Variants in SALL4 observed in about 807,000 individuals in gnomAD.
SALL4 encodes the protein spalt like transcription factor 4.
In SALL4, 4 loss-of-function variants were observed where a neutral mutation model predicts 60.8. That is an observed-to-expected ratio of 0.07 (90% confidence interval 0.03 to 0.15). SALL4 has a LOEUF of 0.15. SALL4 is among the 10% of genes least tolerant of loss of function. The pLI, the probability that SALL4 is intolerant of heterozygous loss-of-function variation, is 1.00. For synonymous variants in SALL4, 580 were observed against 574.9 expected, an observed-to-expected ratio of 1.01 and a Z score of -0.13; for missense variants, 1,178 against 1,394.7, an observed-to-expected ratio of 0.84 and a Z score of 2.48.
intron 3 of SALL4, among the ~76,000 whole-genome samples, chr20:51,785,334 G>C (rs2077984370): frequency 1.3e-5 from 2 of 152,106 alleles, no homozygotes; most frequent in African/African-American, 4.8e-5. Context: ...TTAGCTCATA[G>C]CTCATGTGAT....
chr20:51,790,382 C>T lies in SALL4; in HGVS notation c.2101G>A (p.Ala701Thr). The change falls in exon 2 of 4, where the codon GCT becomes ACT. Residue 701 changes from alanine (A) to threonine (T), a missense_variant. Coordinates refer to ENST00000217086, the MANE Select transcript of SALL4 (RefSeq NM_020436.5). The surrounding 1 kb of genome is among the most constrained non-coding windows in gnomAD (Gnocchi z 5.5). ...GGGACCTTGGAGGAGCTGCTGGGAG[C>T]CTCCTGGGAGCTGACTTCCTCTACA... ...IDVEEVSSQE[A>T]PSSSSKVPTP... 1 of 1,614,056 alleles carries T rather than the reference C, an allele frequency of 6.2e-7. No individual in the cohort carries two copies. Among genetic ancestry groups the T allele is most frequent in the Non-Finnish European group, 8.5e-7 (1 of 1,180,022 alleles).
In SALL4 at chr20:51,801,929, G is replaced by A. The variant is rs1418284097; in HGVS notation, c.130+350C>T. Among the ~76,000 whole-genome samples the A allele has an allele frequency of 7.2e-6, 1 of 139,492 alleles. No individual in the cohort carries two copies. Among genetic ancestry groups the A allele is most frequent in the Non-Finnish European group, 1.6e-5 (1 of 62,352 alleles). The allele number at this position is 139,492 out of a possible 152,430, so 91.5% of individuals were successfully genotyped here. On this transcript the variant is annotated intron_variant, in intron 1 of 3. Transcript: ENST00000217086. The surrounding 1 kb of genome is among the most constrained non-coding windows in gnomAD (Gnocchi z 5.2). The stretch of plus-strand genomic sequence containing the variant: ...GGGACCTAAGTTACAAGGGGGGGGG[G>A]TAACACCAGTGAGGGGAGTGGAACC...
At chr20:51,798,839 A>G (rs2078093946) in intron 1 of SALL4, among the ~76,000 whole-genome samples, 1 of 150,322 alleles carries the variant, frequency 6.7e-6, no homozygotes, top group East Asian at 2.0e-4. Flanking sequence ...TTTTTAAAAA[A>G]CCAATAAAAA....
Position 51,782,756 on chromosome 20 carries a change from C to T in SALL4, c.*1509G>A, listed in dbSNP as rs969879655. Reference sequence around the variant, plus strand: ...GCAATGTTTCGTTTGCTCAATATCACATTTACAAAGGAAACTACAAAAAAA... The same window carrying T: ...GCAATGTTTCGTTTGCTCAATATCATATTTACAAAGGAAACTACAAAAAAA... On this transcript the variant is annotated 3_prime_UTR_variant, in exon 4 of 4. Transcript: ENST00000217086. 1.1e-4 allele frequency: 16 copies of T among 151,762 alleles called. No individual in the cohort carries two copies. The highest frequency in any genetic ancestry group is 3.6e-4 in the African/African-American group (15 of 41,400). 9.4% of individuals were successfully genotyped at this position (151,762 alleles called of 1,614,324 possible). A position where few individuals can be genotyped will look rare whatever the true frequency, so the allele number is the denominator to read the frequency against.
intron 1 of SALL4, among the ~76,000 whole-genome samples, chr20:51,802,051 T>C (rs1225206079): frequency 1.4e-5 from 2 of 138,716 alleles, no homozygotes; most frequent in African/African-American, 5.5e-5. Flanking sequence ...GGGAGAAAGC[T>C]GGGGGTGAAA....
intron 3 of SALL4, among the ~76,000 whole-genome samples, chr20:51,786,188 A>G (rs2077991453): frequency 7.0e-6 from 1 of 142,262 alleles, no homozygotes; most frequent in East Asian, 2.1e-4. Context: ...CCGGGTTCAC[A>G]CCATTCTCCT....
Position 51,788,945 on chromosome 20 carries a change from C to A in SALL4, c.2658G>T (p.Gln886His). ...GKNFSSASAL[Q>H]IHERTHTGEK... Reference sequence around the variant, plus strand: ...CTCCAGTGTGAGTCCGCTCGTGGATCTGAAGAGCGCTAGCAGACGAGAAGT... The same window carrying A: ...CTCCAGTGTGAGTCCGCTCGTGGATATGAAGAGCGCTAGCAGACGAGAAGT... Residue 886 changes from glutamine to histidine, a missense_variant, in exon 3 of 4, where the codon CAG becomes CAT. Around this residue, in one of 5 missense-constraint regions of SALL4, gnomAD observed 37 missense variants for 73.5 expected, o/e 0.50. Transcript: ENST00000217086. This position sits in a 1 kb window ranked among gnomAD's most constrained non-coding sequence, Gnocchi z 4.1. 1 of 1,614,220 alleles carries A rather than the reference C, an allele frequency of 6.2e-7. No individual in the cohort carries two copies. The highest frequency in any genetic ancestry group is 8.5e-7 in the Non-Finnish European group (1 of 1,180,038).
chr20:51,790,324 G>A lies in SALL4; in HGVS notation c.2159C>T (p.Pro720Leu). Residue 720 changes from proline to leucine, a missense_variant, in exon 2 of 4, where the codon CCC becomes CTC. By Grantham distance (98) the Pro-to-Leu change is moderately conservative. This residue lies in a region of SALL4 where 853 missense variants were observed against 1,036.8 expected (regional missense o/e 0.82). Transcript: ENST00000217086. The surrounding 1 kb of genome is among the most constrained non-coding windows in gnomAD (Gnocchi z 5.5). ...AGCCATCATGGCAAACCCTAGCGTG[G>A]GTGATGCCGAGTGGATGCTGGGAAG... is the stretch of plus-strand genomic sequence containing the variant. ...TPLPSIHSAS[P>L]TLGFAMMASL... 6.2e-7 allele frequency: 1 copy of A among 1,614,162 alleles called. No individual in the cohort carries two copies. The highest frequency in any genetic ancestry group is 1.1e-5 in the South Asian group (1 of 91,088).
chr20:51,789,900 C>G, intron 2 of SALL4, 122 bp downstream of exon 2: 1 of 1,180,774 alleles, frequency 8.5e-7, no homozygotes. Context: ...TAAAGAAAAG[C>G]TAATTGCCCT....
chr20:51,785,818 AT>A (rs2077988198), intron 3 of SALL4, among the ~76,000 whole-genome samples: 1 of 148,180 alleles, frequency 6.7e-6, no homozygotes, highest in Non-Finnish European at 1.5e-5. Flanking sequence ...TAATTTTTGT[AT>A]TTTTAGTAGA....
In SALL4 at chr20:51,784,053, A is replaced by ATT. The variant is rs59841639; in HGVS notation, c.*210_*211dup. On this transcript the variant is annotated 3_prime_UTR_variant, in exon 4 of 4. Transcript: ENST00000217086. ...AGAGTCTGTATTTGTTTTGGTATGC[A>ATT]TTTTTTTTTTATTTTTTCAACTTTT... 48 of 546,084 alleles carry ATT rather than the reference A, an allele frequency of 8.8e-5. No individual in the cohort carries two copies. Among genetic ancestry groups the ATT allele is most frequent in the East Asian group, 2.2e-4 (7 of 31,404 alleles). The allele number at this position is 546,084 out of a possible 1,614,324, so 33.8% of individuals were successfully genotyped here. A position where few individuals can be genotyped will look rare whatever the true frequency, so the allele number is the denominator to read the frequency against.
chr20:51,794,623 G>A (rs963560147), intron 1 of SALL4, among the ~76,000 whole-genome samples: 19 of 152,240 alleles, frequency 1.2e-4, no homozygotes, highest in Admixed American at 1.0e-3. Flanking sequence ...AATGTCACTC[G>A]TGCAACATAA....
At chr20:51,789,276 C>T (rs570754382) in intron 2 of SALL4, 135 bp from the exon 3 acceptor site, 2 of 908,392 alleles carry the variant, frequency 2.2e-6, no homozygotes, top group South Asian at 3.6e-5. Context: ...GTAATTAACA[C>T]CTTCCCCTTT....
Position 51,784,459 on chromosome 20 carries a change from T to C in SALL4, c.2968A>G (p.Ile990Val). Residue 990 changes from isoleucine (I) to valine (V), a missense_variant, in exon 4 of 4, where the codon ATC becomes GTC. Coordinates refer to ENST00000217086, the MANE Select transcript of SALL4 (RefSeq NM_020436.5). ...AGGGTAGGAACCCCCCCACTCTGGA[T>C]CACAGAGATCTCATTGGTCTTCACG... ...LAVKTNEISV[I>V]QSGGVPTLPV... 6.2e-7 allele frequency: 1 copy of C among 1,614,162 alleles called. No individual in the cohort carries two copies. Among genetic ancestry groups the C allele is most frequent in the Non-Finnish European group, 8.5e-7 (1 of 1,180,020 alleles).
At chr20:51,798,416 C>T (rs534777981) in intron 1 of SALL4, among the ~76,000 whole-genome samples, 16 of 150,768 alleles carry the variant, frequency 1.1e-4, no homozygotes, top group African/African-American at 3.9e-4. Flanking sequence ...GTCTCCAGAG[C>T]CCCCCTGAAC....
intron 3 of SALL4, 89 bp from the exon 4 acceptor site, chr20:51,784,773 T>A (rs2077980652): frequency 4.2e-6 from 6 of 1,444,762 alleles, no homozygotes; most frequent in Non-Finnish European, 5.8e-6. Context: ...TGGATTTCAT[T>A]CTACCCAGTG....
chr20:51,796,762 C>T (rs1326290075), intron 1 of SALL4, among the ~76,000 whole-genome samples: 3 of 152,058 alleles, frequency 2.0e-5, no homozygotes, highest in Non-Finnish European at 2.9e-5. Context: ...TCTTCTAGAG[C>T]GGAGTTTCTC....
chr20:51,802,147 G>C, intron 1 of SALL4, 132 bp downstream of exon 1: 1 of 1,083,882 alleles, frequency 9.2e-7, no homozygotes, highest in Non-Finnish European at 1.3e-6. Context: ...CTCCTCCCGG[G>C]CACTGAGCCC....
rs374472951 is a variant in SALL4 at position 51,795,505 on chromosome 20, T to C, written c.131-3153A>G. On this transcript the variant is annotated intron_variant, in intron 1 of 3. Coordinates refer to ENST00000217086, the MANE Select transcript of SALL4 (RefSeq NM_020436.5). The stretch of plus-strand genomic sequence containing the variant: ...CGCCAACTCTCAGATAAATAGTATC[T>C]ATCTGTATGATTTTCCAAGACTGGA... Among the ~76,000 whole-genome samples the C allele has an allele frequency of 2.9e-4, 44 of 152,250 alleles. 1 individual carries two copies. Among genetic ancestry groups the C allele is most frequent in the East Asian group, 1.3e-3 (7 of 5,204 alleles).
Sources: allele counts gnomAD v4.1 joint callset (sites outside exome capture counted in the v4.1 genomes callset), GRCh38; gene constraint gnomAD v4.1.1; regional missense constraint gnomAD v4.1.1; non-coding constraint Gnocchi (gnomAD v3.1); transcripts MANE v1.5; gene names NCBI Gene and HGNC (gene_info 2026-07-23, HGNC 2026-07-21).